The following SPTA1 variants were observed in gnomAD, a reference collection of about 807,000 sequenced individuals.
SPTA1 encodes spectrin alpha, erythrocytic 1, also known as spectrin alpha chain, erythrocytic 1.
A neutral mutation model predicts 324.7 loss-of-function variants in SPTA1; 177 were observed. That is an observed-to-expected ratio of 0.55 (90% CI 0.48 to 0.62). The LOEUF is 0.62. Ranked by LOEUF, SPTA1 falls within the 20% of genes least tolerant of loss-of-function variation. The probability of loss-of-function intolerance (pLI) is 0.00; values close to 1 mark genes in which losing one functional copy is unlikely to be tolerated. For missense variants in SPTA1, 3,162 were observed against 2,883.6 expected, an observed-to-expected ratio of 1.10 and a Z score of -2.21; for synonymous variants, 1,195 against 1,041.3, an observed-to-expected ratio of 1.15 and a Z score of -2.84.
chr1:158,618,187 G>C, intron 45 of SPTA1, 131 bp from the exon 46 acceptor site: 2 of 992,094 alleles, frequency 2.0e-6, no homozygotes, highest in African/African-American at 1.6e-5. Flanking sequence ...CACAAAACAT[G>C]AATCTGTCCA....
At chr1:158,644,814 T>A (rs1651872912) in intron 29 of SPTA1, among the ~76,000 whole-genome samples, 1 of 152,210 alleles carries the variant, frequency 6.6e-6, no homozygotes, top group Non-Finnish European at 1.5e-5. Context: ...GTAAAATTTA[T>A]CTATATGTCT....
At chr1:158,613,397 A>G (rs946231583) in intron 50 of SPTA1, among the ~76,000 whole-genome samples, 8 of 151,994 alleles carry the variant, frequency 5.3e-5, no homozygotes, top group Non-Finnish European at 4.4e-5. Flanking sequence ...TGGTCTCTGA[A>G]TCACCTATGT....
At chr1:158,664,445 G>A (rs7516152) in intron 16 of SPTA1, among the ~76,000 whole-genome samples, 27,890 of 152,092 alleles carry the variant, frequency 0.18, 2,623 homozygotes, top group South Asian at 0.26. Context: ...GCCAAACACC[G>A]CATGTTCTCA....
chr1:158,666,262 G>A (rs1653591689), intron 16 of SPTA1, 54 bp downstream of exon 16: 2 of 1,585,448 alleles, frequency 1.3e-6, no homozygotes, highest in Admixed American at 3.3e-5. Flanking sequence ...TAACGAGTGT[G>A]CTCAGAGCAT....
At chr1:158,653,216 C>T in intron 22 of SPTA1, 58 bp downstream of exon 22, 1 of 1,612,686 alleles carries the variant, frequency 6.2e-7, no homozygotes, top group Non-Finnish European at 8.5e-7. Flanking sequence ...AGAAGAAATG[C>T]CTTTGGCGAA....
In SPTA1 at chr1:158,651,450, G is replaced by C; in HGVS notation, c.3394C>G (p.Pro1132Ala). 6.2e-7 allele frequency: 1 copy of C among 1,613,096 alleles called. No homozygotes were observed. Among genetic ancestry groups the C allele is most frequent in the Non-Finnish European group, 8.5e-7 (1 of 1,179,214 alleles). The change falls in exon 24 of 52, where the codon CCT becomes GCT. Residue 1132 changes from proline to alanine, a missense_variant. Pro to Ala is a conservative substitution (Grantham distance 27). Transcript: ENST00000643759. ...ACCTTGTTGATATCCCTTAGCCGAG[G>C]CTCATTGGTATTCAAATCCTGAATG... ...EFQKDLNTNE[P>A]RLRDINKVAD...
chr1:158,676,588 G>A (rs1430568784), intron 7 of SPTA1, among the ~76,000 whole-genome samples: 1 of 152,118 alleles, frequency 6.6e-6, no homozygotes, highest in African/African-American at 2.4e-5. Context: ...CGAAAACTGA[G>A]AGATTAAGTA....
chr1:158,611,185 C>T lies in SPTA1; in HGVS notation c.*79G>A. 3.3e-6 allele frequency: 5 copies of T among 1,538,410 alleles called. No homozygotes were observed. The highest frequency in any genetic ancestry group is 2.2e-5 in the South Asian group (2 of 89,028). ...CACACACGAGGCCATCTTTATCTTC[C>T]ACATTTGCCTGTACTCTTTGCCCCC... On this transcript the variant is annotated 3_prime_UTR_variant, in exon 52 of 52. Transcript: ENST00000643759.
rs756651163 is a variant in SPTA1 at position 158,671,390 on chromosome 1, GCTTCTGAAGAAGGGCTTCTGCA to G, written c.1530_1551del (p.Ala511MetfsTer16). The G allele has an allele frequency of 6.2e-7, 1 of 1,613,376 alleles. No individual in the cohort carries two copies. The highest frequency in any genetic ancestry group is 1.3e-5 in the African/African-American group (1 of 74,882). On this transcript the variant is annotated frameshift_variant, in exon 12 of 52. Transcript: ENST00000643759. LOFTEE classifies it high-confidence loss of function. ...GTAAAGGCTTCCTCAAAGTCTTCATGCTTCTGAAGAAGGGCTTCTGCACTGCCCAGTGAGTTTCCCAGATCCT... is the reference window on the plus strand; with the variant it reads ...GTAAAGGCTTCCTCAAAGTCTTCATGCTGCCCAGTGAGTTTCCCAGATCCT...
chr1:158,634,655 G>T lies in SPTA1; in HGVS notation c.5453C>A (p.Ser1818Tyr). Residue 1818 changes from serine (S) to tyrosine (Y), a missense_variant, in exon 39 of 52, where the codon TCC becomes TAC. Physicochemically the swap from Ser to Tyr is moderately radical, Grantham distance 144. Coordinates refer to ENST00000643759, the MANE Select transcript of SPTA1 (RefSeq NM_003126.4). ...AKARGLKLEESLEYLQFMQNA... is the reference protein window; with the variant it reads ...AKARGLKLEEYLEYLQFMQNA... ...CTGCATGAATTGCAAGTATTCTAGGGATTCTTCCAACTTAAGTCCTCTATA... is the reference window on the plus strand; with the variant it reads ...CTGCATGAATTGCAAGTATTCTAGGTATTCTTCCAACTTAAGTCCTCTATA... 1 of 1,614,058 alleles carries T rather than the reference G, an allele frequency of 6.2e-7. No homozygotes were observed. The highest frequency in any genetic ancestry group is 8.5e-7 in the Non-Finnish European group (1 of 1,180,028).
chr1:158,627,869 C>T, intron 39 of SPTA1, 146 bp from the exon 40 acceptor site: 1 of 755,916 alleles, frequency 1.3e-6, no homozygotes. Flanking sequence ...TCTGGAATAA[C>T]TATACTCAAT....
intron 5 of SPTA1, 140 bp downstream of exon 5, chr1:158,680,443 G>A: frequency 1.7e-6 from 2 of 1,203,096 alleles, no homozygotes; most frequent in Non-Finnish European, 2.4e-6. Flanking sequence ...AAACTGTTCA[G>A]AATATGTTAC....
At chr1:158,624,008 C>T (rs1327807622) in intron 42 of SPTA1, among the ~76,000 whole-genome samples, 6 of 152,206 alleles carry the variant, frequency 3.9e-5, no homozygotes, top group Non-Finnish European at 8.8e-5. Flanking sequence ...GTGCAAGCCC[C>T]AAGACTTGGC....
Position 158,681,598 on chromosome 1 carries a change from A to T in SPTA1, c.460T>A (p.Leu154Met). The T allele has an allele frequency of 1.2e-6, 2 of 1,613,764 alleles. No homozygotes were observed. Among genetic ancestry groups the T allele is most frequent in the Non-Finnish European group, 1.7e-6 (2 of 1,179,798 alleles). Residue 154 changes from leucine to methionine, a missense_variant, in exon 4 of 52, where the codon TTG (leucine) becomes ATG (methionine). Leu to Met is a conservative substitution (Grantham distance 15). Transcript: ENST00000643759. ...LELTLEKGDQLLRALKFQQYV... is the reference protein window; with the variant it reads ...LELTLEKGDQMLRALKFQQYV... Reference sequence around the variant, plus strand: ...TGCTGGAACTTCAGGGCCCGCAGCAACTGGTCACCCTTCTCCAGGGTCAGC... The same window carrying T: ...TGCTGGAACTTCAGGGCCCGCAGCATCTGGTCACCCTTCTCCAGGGTCAGC...
At chr1:158,678,275 C>T in intron 6 of SPTA1, 126 bp downstream of exon 6, 1 of 1,311,014 alleles carries the variant, frequency 7.6e-7, no homozygotes, top group Non-Finnish European at 1.1e-6. Flanking sequence ...AAGGCAAGTA[C>T]ATGATCCACT....
chr1:158,658,624 C>G (rs941869668), intron 18 of SPTA1, among the ~76,000 whole-genome samples: 8 of 152,052 alleles, frequency 5.3e-5, no homozygotes, highest in African/African-American at 1.7e-4. Context: ...AGTACCATAA[C>G]AAAACAGATC....
Position 158,639,897 on chromosome 1 carries a change from G to A in SPTA1, c.4848C>T (p.Ile1616=), listed in dbSNP as rs1462068860. Residue 1616 remains isoleucine (I), a synonymous_variant, in exon 34 of 52, where the codon ATC becomes ATT. Transcript: ENST00000643759. ...CTGAGAGCCAGAACTCAAAGTCCCG[G>A]ATGCTTGTGTTGAACCTCTGTTGAC... The part of the protein sequence containing the change: ...ASRQQRFNTS[I]RDFEFWLSEA... The A allele has an allele frequency of 6.2e-7, 1 of 1,613,786 alleles. No homozygotes were observed. The highest frequency in any genetic ancestry group is 1.3e-5 in the African/African-American group (1 of 74,860).
Position 158,680,595 on chromosome 1 carries a change from A to G in SPTA1, c.666T>C (p.Asn222=), listed in dbSNP as rs913273038. 5 of 1,613,702 alleles carry G rather than the reference A, an allele frequency of 3.1e-6. No individual in the cohort carries two copies. The African/African-American group carries it at 4.0e-5, about 13-fold the overall frequency. The stretch of plus-strand genomic sequence containing the variant: ...GCTCCCACCTCACCTCGGCACACTC[A>G]TTGGCATATTGGTTCACTTCAACAA... ...GRVVEVNQYA[N]ECAEENHPDL... Residue 222 remains asparagine, a synonymous_variant, in exon 5 of 52, where the codon AAT becomes AAC. Coordinates refer to ENST00000643759, the MANE Select transcript of SPTA1 (RefSeq NM_003126.4).
chr1:158,669,840 G>T, intron 12 of SPTA1, 54 bp from the exon 13 acceptor site: 2 of 1,564,916 alleles, frequency 1.3e-6, no homozygotes, highest in African/African-American at 1.3e-5. Context: ...CACTGAGTAA[G>T]TGGCCATAGT....
Sources: allele counts gnomAD v4.1 joint callset (sites outside exome capture counted in the v4.1 genomes callset), GRCh38; gene constraint gnomAD v4.1.1; transcripts MANE v1.5; gene names NCBI Gene and HGNC (gene_info 2026-07-23, HGNC 2026-07-21).